The following ARB2A variants were observed in gnomAD, a reference collection of about 807,000 sequenced individuals.
ARB2A encodes the protein ARB2 cotranscriptional regulator A.
the ARB2A span, among the ~76,000 whole-genome samples, chr5:94,003,380 A>G: frequency 6.6e-6 from 1 of 152,210 alleles, no homozygotes; most frequent in African/African-American, 2.4e-5. Context: ...AAGGAAATCA[A>G]AAACATACAA....
At chr5:94,064,660 G>A in the ARB2A span, among the ~76,000 whole-genome samples, 1 of 152,112 alleles carries the variant, frequency 6.6e-6, no homozygotes, top group Non-Finnish European at 1.5e-5. Flanking sequence ...AGAACCTTAC[G>A]GGCCAAGACG....
At chr5:93,879,638 C>A in the ARB2A span, among the ~76,000 whole-genome samples, 3 of 151,282 alleles carry the variant, frequency 2.0e-5, no homozygotes, top group African/African-American at 7.3e-5. Context: ...ATGTGAAAAA[C>A]AGAATAAAGA....
chr5:93,775,415 C>T, the ARB2A span, among the ~76,000 whole-genome samples: 3 of 152,328 alleles, frequency 2.0e-5, no homozygotes, highest in African/African-American at 7.2e-5. Context: ...CCACTGCTCA[C>T]TTGGCTGAGA....
At chr5:93,900,448 G>A in the ARB2A span, among the ~76,000 whole-genome samples, 3 of 151,196 alleles carry the variant, frequency 2.0e-5, no homozygotes, top group Non-Finnish European at 4.4e-5. Flanking sequence ...CCGTCTCTAC[G>A]AAAAATACAA....
the ARB2A span, among the ~76,000 whole-genome samples, chr5:93,892,575 A>G: frequency 6.6e-6 from 1 of 152,060 alleles, no homozygotes; most frequent in Admixed American, 6.6e-5. Flanking sequence ...TAGAAGTTCT[A>G]TACTACCTCT....
At chr5:93,932,362 A>C in the ARB2A span, among the ~76,000 whole-genome samples, 4 of 152,236 alleles carry the variant, frequency 2.6e-5, no homozygotes, top group Non-Finnish European at 5.9e-5. Context: ...GAAAGCAATT[A>C]GAAAGTGCTC....
chr5:93,795,693 C>T, the ARB2A span, among the ~76,000 whole-genome samples: 4 of 152,112 alleles, frequency 2.6e-5, no homozygotes, highest in Admixed American at 2.0e-4. Flanking sequence ...ATTTGACTCA[C>T]TAATAGCTAA....
At chr5:94,015,539 C>T in the ARB2A span, among the ~76,000 whole-genome samples, 41 of 152,118 alleles carry the variant, frequency 2.7e-4, no homozygotes, top group Non-Finnish European at 5.0e-4. Context: ...ACAATCTACT[C>T]ATAATTCTAG....
At chr5:93,802,135 A>G in the ARB2A span, among the ~76,000 whole-genome samples, 100 of 152,220 alleles carry the variant, frequency 6.6e-4, no homozygotes, top group African/African-American at 2.2e-3. Context: ...CACTAAATAT[A>G]TTTTATAAAA....
chr5:94,070,955 A>G, the ARB2A span, among the ~76,000 whole-genome samples: 1 of 152,086 alleles, frequency 6.6e-6, no homozygotes, highest in Non-Finnish European at 1.5e-5. Flanking sequence ...AGTGAAAAAT[A>G]ATACAGGTAC....
At chr5:93,824,151 T>A in the ARB2A span, 9 of 1,580,704 alleles carry the variant, frequency 5.7e-6, no homozygotes, top group Non-Finnish European at 6.0e-6. Context: ...CACTTACCAG[T>A]TCAACAAAAG....
the ARB2A span, among the ~76,000 whole-genome samples, chr5:94,105,746 TA>T: frequency 6.9e-6 from 1 of 144,262 alleles, no homozygotes; most frequent in African/African-American, 2.6e-5. Flanking sequence ...CAGGCTACAG[TA>T]ACCAAAACAG....
chr5:93,827,447 G>T, the ARB2A span, among the ~76,000 whole-genome samples: 1 of 151,970 alleles, frequency 6.6e-6, no homozygotes, highest in Non-Finnish European at 1.5e-5. Context: ...GGGGTTGTTT[G>T]TTTTTTTCTT....
the ARB2A span, among the ~76,000 whole-genome samples, chr5:94,041,946 T>A: frequency 1.3e-5 from 2 of 149,908 alleles, no homozygotes. Flanking sequence ...AAAAAAAAAA[T>A]GAAAATTACT....
chr5:93,879,265 A>G, the ARB2A span, among the ~76,000 whole-genome samples: 2 of 152,022 alleles, frequency 1.3e-5, no homozygotes, highest in Admixed American at 1.3e-4. Context: ...ACTATCTAGA[A>G]GTATGTTTGA....
At chr5:93,888,260 C>T in the ARB2A span, among the ~76,000 whole-genome samples, 423 of 151,788 alleles carry the variant, frequency 2.8e-3, 2 homozygotes, top group Admixed American at 4.2e-3. Context: ...GATTTAATAC[C>T]ATAGTTTTGT....
chr5:93,825,533 T>A, the ARB2A span, among the ~76,000 whole-genome samples: 1 of 152,210 alleles, frequency 6.6e-6, no homozygotes, highest in African/African-American at 2.4e-5. Context: ...TTTAGCAGAA[T>A]TCATGTTGCT....
chr5:93,887,647 T>C, the ARB2A span, among the ~76,000 whole-genome samples: 3 of 151,862 alleles, frequency 2.0e-5, no homozygotes, highest in Non-Finnish European at 4.4e-5. Context: ...CAGATAGTTT[T>C]AAGCCATACA....
At chr5:93,971,025 G>A in the ARB2A span, among the ~76,000 whole-genome samples, 6 of 151,614 alleles carry the variant, frequency 4.0e-5, no homozygotes, top group African/African-American at 1.5e-4. Flanking sequence ...TTGAGATGGA[G>A]TCTTGCACAG....
Sources: gnomAD v4.1 joint callset for allele counts (sites outside exome capture counted in the v4.1 genomes callset) on GRCh38, gnomAD v4.1.1 for gene constraint, MANE v1.5 for transcripts, NCBI Gene and HGNC (gene_info 2026-07-23, HGNC 2026-07-21) for gene names.